DSCAM: variants seen among roughly 807,000 people sequenced by gnomAD.
The protein encoded by DSCAM is cell adhesion molecule DSCAM.
In DSCAM, 47 loss-of-function variants were observed where a neutral mutation model predicts 217.7. The ratio of observed to expected loss-of-function variants is 0.22; its 90% CI spans 0.17 to 0.28. The LOEUF is 0.28. Among genes scored for constraint, DSCAM ranks in the 10% least tolerant of loss-of-function variants. The pLI is 1.00. For missense variants in DSCAM, 2,080 were observed against 2,618.3 expected (o/e 0.79, Z 4.49); for synonymous variants, 1,056 against 1,015.3 (o/e 1.04, Z -0.76).
chr21:40,273,141 T>C (rs1199899778), intron 11 of DSCAM, among the ~76,000 whole-genome samples: 4 of 152,204 alleles, frequency 2.6e-5, no homozygotes, highest in African/African-American at 9.6e-5. Context: ...ATTTTCTCTT[T>C]CTTTCCAACC....
intron 25 of DSCAM, among the ~76,000 whole-genome samples, chr21:40,079,710 C>T (rs1315899861): frequency 1.3e-5 from 2 of 151,836 alleles, no homozygotes; most frequent in African/African-American, 4.8e-5. Context: ...TGAAAGTCCA[C>T]ATTTTAGATT....
chr21:40,041,368 C>T (rs1263241074), intron 32 of DSCAM, among the ~76,000 whole-genome samples: 1 of 152,080 alleles, frequency 6.6e-6, no homozygotes, highest in East Asian at 1.9e-4. Flanking sequence ...TTGGATTCCA[C>T]CTAAAGATGG....
At chr21:40,705,582 A>C (rs2090705391) in intron 2 of DSCAM, among the ~76,000 whole-genome samples, 1 of 152,138 alleles carries the variant, frequency 6.6e-6, no homozygotes, top group African/African-American at 2.4e-5. Flanking sequence ...GGGTGGCAGG[A>C]GAGAGAATGA....
At chr21:40,167,352 C>T (rs933593379) in intron 15 of DSCAM, 64 bp from the exon 16 acceptor site, 9 of 1,467,212 alleles carry the variant, frequency 6.1e-6, no homozygotes, top group Admixed American at 5.1e-5. Flanking sequence ...GAAGCCTACA[C>T]AGCCAAAGGT....
At chr21:40,559,384 G>T (rs538668439) in intron 3 of DSCAM, among the ~76,000 whole-genome samples, 1 of 152,118 alleles carries the variant, frequency 6.6e-6, no homozygotes, top group African/African-American at 2.4e-5. Context: ...CGTAAACCCG[G>T]GGGGTGGAGC....
chr21:40,315,242 T>TA lies in DSCAM; in HGVS notation c.1784-2884dup, dbSNP rs113013538. ...GGAAAAACCTTGTTTCTACTAAAAA[T>TA]AAAAAAAAAAAATTAGCCAGGCATG... is the stretch of plus-strand genomic sequence containing the variant. On this transcript the variant is annotated intron_variant, in intron 8 of 32. Transcript: ENST00000400454. Among the ~76,000 whole-genome samples the TA allele has an allele frequency of 3.1e-3, 446 of 143,040 alleles. 3 individuals carry two copies. Among genetic ancestry groups the TA allele is most frequent in the African/African-American group, 9.0e-3 (351 of 39,178 alleles). 93.8% of individuals were successfully genotyped at this position (143,040 alleles called of 152,430 possible).
intron 3 of DSCAM, among the ~76,000 whole-genome samples, chr21:40,380,518 G>A (rs924551249): frequency 2.6e-5 from 4 of 152,166 alleles, no homozygotes; most frequent in Admixed American, 6.5e-5. Context: ...TCTCATAAAT[G>A]CATTTACATG....
chr21:40,451,715 C>A (rs62225468), intron 3 of DSCAM, among the ~76,000 whole-genome samples: 18,153 of 152,108 alleles, frequency 0.12, 1,142 homozygotes, highest in Middle Eastern at 0.2. Flanking sequence ...CACTAGGGTT[C>A]GAATTTCAGG....
At chr21:40,041,736 T>C (rs1355401449) in intron 32 of DSCAM, among the ~76,000 whole-genome samples, 1 of 152,150 alleles carries the variant, frequency 6.6e-6, no homozygotes, top group Non-Finnish European at 1.5e-5. Context: ...CCAGTTACCA[T>C]CACCTTGTGT....
At chr21:40,145,944 G>T (rs1486085066) in intron 16 of DSCAM, among the ~76,000 whole-genome samples, 3 of 149,566 alleles carry the variant, frequency 2.0e-5, no homozygotes, top group Non-Finnish European at 4.4e-5. Flanking sequence ...GTGTTTATGT[G>T]TATGCGTGTA....
intron 32 of DSCAM, among the ~76,000 whole-genome samples, chr21:40,040,661 T>C (rs887840063): frequency 6.6e-6 from 1 of 152,138 alleles, no homozygotes; most frequent in African/African-American, 2.4e-5. Flanking sequence ...CCAGAAACAA[T>C]GGCTAACATG....
In DSCAM at chr21:40,080,303, C is replaced by T; in HGVS notation, c.4269G>A (p.Gln1423=). 1 of 1,613,286 alleles carries T rather than the reference C, an allele frequency of 6.2e-7. No homozygotes were observed. The highest frequency in any genetic ancestry group is 8.5e-7 in the Non-Finnish European group (1 of 1,179,786). ...TGGGGCTGATTGGAAAACTCCCCCA[C>T]TGCTCACTATTGTCCTCGGAGTACT... is the stretch of plus-strand genomic sequence containing the variant. ...ILQYSEDNSE[Q]WGSFPISPSE... Residue 1423 remains glutamine, a synonymous_variant, in exon 25 of 33, where the codon CAG becomes CAA. Transcript: ENST00000400454.
rs925231609 is a variant in DSCAM at position 40,329,464 on chromosome 21, A to T, written c.1783+8637T>A. ...GCTTGTCTCCACTAAAAATACAAAAATTAGCTGGGCATAGTGGTGCACGCC... is the reference window on the plus strand; with the variant it reads ...GCTTGTCTCCACTAAAAATACAAAATTTAGCTGGGCATAGTGGTGCACGCC... On this transcript the variant is annotated intron_variant, in intron 8 of 32. Coordinates refer to ENST00000400454, the MANE Select transcript of DSCAM (RefSeq NM_001389.5). Among the ~76,000 whole-genome samples, 14 of 152,030 alleles carry T rather than the reference A, an allele frequency of 9.2e-5. No homozygotes were observed. The East Asian group carries it at 2.7e-3, about 29-fold the overall frequency.
intron 8 of DSCAM, among the ~76,000 whole-genome samples, chr21:40,321,084 T>C (rs1368865014): frequency 1.3e-5 from 2 of 152,186 alleles, no homozygotes; most frequent in Non-Finnish European, 2.9e-5. Context: ...GAATAAATAG[T>C]TCAACAATTC....
At chr21:40,040,982 C>A (rs1420380810) in intron 32 of DSCAM, among the ~76,000 whole-genome samples, 1 of 152,102 alleles carries the variant, frequency 6.6e-6, no homozygotes, top group South Asian at 2.1e-4. Flanking sequence ...TTGTCTTTTC[C>A]CCTAAGGAGG....
rs1219597072 is a variant in DSCAM at position 40,144,885 on chromosome 21, G to C, written c.3019-154C>G. Among the ~76,000 whole-genome samples the C allele has an allele frequency of 9.2e-5, 14 of 152,180 alleles. No individual in the cohort carries two copies. The highest frequency in any genetic ancestry group is 1.9e-4 in the East Asian group (1 of 5,176). On this transcript the variant is annotated intron_variant, in intron 16 of 32. Transcript: ENST00000400454. The surrounding 1 kb of genome is among the most constrained non-coding windows in gnomAD (Gnocchi z 4.8). ...GGTAGCAGCCGCAAACCCACGTACA[G>C]TGCAACTTGGTCTGTGCCAGGCACC...
At chr21:40,539,443 C>T (rs1278449898) in intron 3 of DSCAM, among the ~76,000 whole-genome samples, 1 of 151,604 alleles carries the variant, frequency 6.6e-6, no homozygotes, top group African/African-American at 2.4e-5. Flanking sequence ...TTGCAGTGAC[C>T]CCAGATTGTG....
intron 3 of DSCAM, among the ~76,000 whole-genome samples, chr21:40,395,027 A>C (rs1012906443): frequency 6.6e-6 from 1 of 152,220 alleles, no homozygotes; most frequent in South Asian, 2.1e-4. Flanking sequence ...TGGTCAAACA[A>C]TGTCGTTTGA....
chr21:40,702,953 T>C (rs1388387935), intron 2 of DSCAM, among the ~76,000 whole-genome samples: 1 of 152,244 alleles, frequency 6.6e-6, no homozygotes, highest in Admixed American at 6.5e-5. Flanking sequence ...GTTTTACTTC[T>C]GCCTATGTTA....
Sources: gnomAD v4.1 joint callset for allele counts (sites outside exome capture counted in the v4.1 genomes callset) on GRCh38, gnomAD v4.1.1 for gene constraint, Gnocchi (gnomAD v3.1) non-coding constraint, MANE v1.5 for transcripts, NCBI Gene and HGNC (gene_info 2026-07-23, HGNC 2026-07-21) for gene names.